Variants in UGT1A9 observed in about 807,000 individuals in gnomAD.
UGT1A9 encodes UDP-glucuronosyltransferase 1A9.
In UGT1A9, 35 loss-of-function variants were observed where a neutral mutation model predicts 45.0. The observed-to-expected ratio is 0.78, with a 90% CI of 0.59 to 1.03. The LOEUF is 1.03. Among genes scored for constraint, UGT1A9 ranks in the 50% least tolerant of loss-of-function variants. The pLI, the probability that UGT1A9 is intolerant of heterozygous loss-of-function variation, is 0.00. For synonymous variants in UGT1A9, 278 were observed against 250.6 expected (o/e 1.11, Z -1.03); for missense variants, 687 against 666.6 (o/e 1.03, Z -0.34).
intron 1 of UGT1A9, among the ~76,000 whole-genome samples, chr2:233,746,234 G>T (rs923887005): frequency 6.6e-6 from 1 of 151,756 alleles, no homozygotes; most frequent in African/African-American, 2.4e-5. Context: ...TATGCAAACT[G>T]CTAAAAGATA....
At chr2:233,702,880 T>C (rs1399878885) in intron 1 of UGT1A9, among the ~76,000 whole-genome samples, 5 of 152,212 alleles carry the variant, frequency 3.3e-5, no homozygotes, top group Admixed American at 2.6e-4. Context: ...TTGAGGACTT[T>C]TGCATCATAT....
chr2:233,738,966 A>C (rs185032908), intron 1 of UGT1A9: 1 of 152,340 alleles, frequency 6.6e-6, no homozygotes, highest in Non-Finnish European at 1.5e-5. Context: ...CCAGGCCCCC[A>C]CTGCTGTGTG....
At chr2:233,716,621 G>T (rs1407040696) in intron 1 of UGT1A9, among the ~76,000 whole-genome samples, 2 of 152,070 alleles carry the variant, frequency 1.3e-5, no homozygotes, top group Non-Finnish European at 2.9e-5. Context: ...GTTTATTCTA[G>T]TGAAGTTTTT....
At chr2:233,688,288 G>C (rs562176649) in intron 1 of UGT1A9, among the ~76,000 whole-genome samples, 1 of 152,086 alleles carries the variant, frequency 6.6e-6, no homozygotes, top group African/African-American at 2.4e-5. Context: ...TGGATTTACC[G>C]CATTTTTTTT....
At chr2:233,745,354 T>C (rs893608490) in intron 1 of UGT1A9, among the ~76,000 whole-genome samples, 4 of 151,848 alleles carry the variant, frequency 2.6e-5, no homozygotes, top group African/African-American at 9.7e-5. Flanking sequence ...TTTGGGGGAA[T>C]TTTTTTGAGA....
intron 1 of UGT1A9, among the ~76,000 whole-genome samples, chr2:233,750,424 A>T (rs1378744629): frequency 2.6e-5 from 4 of 151,872 alleles, no homozygotes; most frequent in Non-Finnish European, 5.9e-5. Context: ...GAAAAGAAAA[A>T]CCCATTTTAT....
chr2:233,712,342 C>T (rs2076227848), intron 1 of UGT1A9, among the ~76,000 whole-genome samples: 1 of 152,212 alleles, frequency 6.6e-6, no homozygotes, highest in Admixed American at 6.5e-5. Context: ...CTGATCATCA[C>T]ATCTTGAGCT....
At chr2:233,750,064 T>C (rs1472554795) in intron 1 of UGT1A9, among the ~76,000 whole-genome samples, 1 of 151,832 alleles carries the variant, frequency 6.6e-6, no homozygotes, top group East Asian at 1.9e-4. Context: ...ACTTTGGAAC[T>C]GGGTAACAGG....
chr2:233,713,431 A>G lies in UGT1A9; in HGVS notation c.855+40642A>G, dbSNP rs1575502820. The G allele has an allele frequency of 2.5e-6, 4 of 1,614,124 alleles. 1 individual carries two copies. Among genetic ancestry groups the G allele is most frequent in the Middle Eastern group, 3.3e-4 (2 of 6,062 alleles). ...AGGCACCTGCATGCTACTTCCTTTG[A>G]TGTGGTTCTAACAGACCCCTTTCAC... On this transcript the variant is annotated intron_variant, in intron 1 of 4. Transcript: ENST00000354728.
intron 1 of UGT1A9, among the ~76,000 whole-genome samples, chr2:233,685,897 C>T (rs1559341876): frequency 1.3e-5 from 2 of 152,180 alleles, no homozygotes; most frequent in South Asian, 4.2e-4. Context: ...AATATTATCT[C>T]ATTTTCAATC....
At chr2:233,723,516 CTTTT>C (rs1162916866) in intron 1 of UGT1A9, among the ~76,000 whole-genome samples, 1 of 85,406 alleles carries the variant, frequency 1.2e-5, no homozygotes, top group African/African-American at 4.9e-5. Flanking sequence ...GGTCAACAAT[CTTTT>C]TTTTTTTTTT....
intron 1 of UGT1A9, among the ~76,000 whole-genome samples, chr2:233,683,700 T>G (rs531254121): frequency 6.6e-6 from 1 of 152,320 alleles, no homozygotes; most frequent in East Asian, 1.9e-4. Context: ...ATTTCATTAT[T>G]TTTGAAACCA....
chr2:233,727,133 C>G (rs1484837556), intron 1 of UGT1A9, among the ~76,000 whole-genome samples: 1 of 152,194 alleles, frequency 6.6e-6, no homozygotes, highest in African/African-American at 2.4e-5. Flanking sequence ...CAGAGGGGAA[C>G]AAGACCACAC....
intron 1 of UGT1A9, among the ~76,000 whole-genome samples, chr2:233,719,941 G>A (rs958273731): frequency 6.6e-6 from 1 of 152,192 alleles, no homozygotes; most frequent in African/African-American, 2.4e-5. Flanking sequence ...TGTTTGTAAA[G>A]GCACCATCTT....
intron 1 of UGT1A9, chr2:233,753,301 C>T (rs1695176725): frequency 6.6e-6 from 1 of 152,212 alleles, no homozygotes; most frequent in East Asian, 1.9e-4. Flanking sequence ...TGTGAGACCC[C>T]GTGTGCCCCT....
intron 1 of UGT1A9, among the ~76,000 whole-genome samples, chr2:233,757,562 G>GATATATATATATATA (rs1696648748): frequency 1.1e-5 from 1 of 90,870 alleles, no homozygotes; most frequent in Non-Finnish European, 2.1e-5. Context: ...ATATATATAT[G>GATATATATATATATA]TATATATGAT....
rs775448281 is a variant in UGT1A9, at chr2:233,713,196, A to G, written c.855+40407A>G. 9 of 1,614,120 alleles carry G rather than the reference A, an allele frequency of 5.6e-6. No individual in the cohort carries two copies. In the African/African-American group the frequency reaches 1.1e-4, roughly 19 times the overall value. ...CCTCACCCTGGAGGTGAATATGTAC[A>G]TCAAAGAAGAGAACTTTTTCACCCT... is the stretch of plus-strand genomic sequence containing the variant. On this transcript the variant is annotated intron_variant, in intron 1 of 4. Transcript: ENST00000354728.
chr2:233,704,177 C>T lies in UGT1A9; in HGVS notation c.855+31388C>T, dbSNP rs568272633. Among the ~76,000 whole-genome samples the T allele has an allele frequency of 4.6e-5, 7 of 151,930 alleles. No homozygotes were observed. In the South Asian group the frequency reaches 1.0e-3, roughly 23 times the overall value. ...AAGTACTGGGATTACAGGTGTGAGC[C>T]ACTGTGCCTGGCCCCATTTTACTTT... On this transcript the variant is annotated intron_variant, in intron 1 of 4. Transcript: ENST00000354728.
intron 1 of UGT1A9, chr2:233,718,998 G>T (rs759529745): frequency 1.9e-6 from 3 of 1,614,266 alleles, no homozygotes; most frequent in South Asian, 1.1e-5. Context: ...CCAGGCGGTG[G>T]TCCTCACCCC....
Sources: gnomAD v4.1 joint callset for allele counts (sites outside exome capture counted in the v4.1 genomes callset) on GRCh38, gnomAD v4.1.1 for gene constraint, MANE v1.5 for transcripts, NCBI Gene and HGNC (gene_info 2026-07-23, HGNC 2026-07-21) for gene names.